Variants in COG2 observed in about 807,000 individuals in gnomAD.
COG2 encodes the protein component of oligomeric golgi complex 2, also known as conserved oligomeric Golgi complex subunit 2.
Under a neutral mutation model 90.6 loss-of-function variants are expected in COG2, and 52 were observed. That is an observed-to-expected ratio of 0.57 (90% CI 0.46 to 0.72). The LOEUF is 0.72. Ranked by LOEUF, COG2 falls within the 30% of genes least tolerant of loss-of-function variation. COG2 has a pLI of 0.00. For missense variants in COG2, 829 were observed against 891.2 expected, an observed-to-expected ratio of 0.93 and a Z score of 0.89; for synonymous variants, 337 against 320.4, an observed-to-expected ratio of 1.05 and a Z score of -0.55.
intron 11 of COG2, 24 bp from the exon 12 acceptor site, chr1:230,685,061 G>GTGT: frequency 6.2e-7 from 1 of 1,612,672 alleles, no homozygotes; most frequent in Non-Finnish European, 8.5e-7. Flanking sequence ...CCTTAAATGT[G>GTGT]TGTTGTTGTT....
chr1:230,658,189 C>T (rs1410672468), intron 1 of COG2, among the ~76,000 whole-genome samples: 4 of 152,152 alleles, frequency 2.6e-5, no homozygotes, highest in African/African-American at 9.7e-5. Flanking sequence ...GCTGGTTTCT[C>T]CCCATCTTTG....
intron 11 of COG2, 110 bp downstream of exon 11, chr1:230,683,745 T>A: frequency 1.3e-6 from 1 of 773,612 alleles, no homozygotes; most frequent in Non-Finnish European, 2.1e-6. Flanking sequence ...TTTTTTTTTT[T>A]AATCATACAG....
intron 5 of COG2, among the ~76,000 whole-genome samples, chr1:230,664,978 A>C (rs1441909032): frequency 6.6e-6 from 1 of 152,240 alleles, no homozygotes; most frequent in African/African-American, 2.4e-5. Context: ...AAAATGCACG[A>C]GTGTTATTAA....
At chr1:230,674,331 C>A (rs1316567713) in intron 8 of COG2, among the ~76,000 whole-genome samples, 1 of 152,208 alleles carries the variant, frequency 6.6e-6, no homozygotes, top group African/African-American at 2.4e-5. Context: ...CTGAATCAGG[C>A]ACACCAGCTC....
At position 230,687,140 on chromosome 1, in the gene COG2, T is replaced by C; in HGVS notation, c.1578+8T>C. 2 of 1,603,532 alleles carry C rather than the reference T, an allele frequency of 1.2e-6. No homozygotes were observed. The highest frequency in any genetic ancestry group is 1.7e-6 in the Non-Finnish European group (2 of 1,173,800). Reference sequence around the variant, plus strand: ...GACAAGCTTCAGGAGCAGGTAAGCCTGTGTCCCAGAATAATTCCAGGTGCT... The same window carrying C: ...GACAAGCTTCAGGAGCAGGTAAGCCCGTGTCCCAGAATAATTCCAGGTGCT... On this transcript the variant is annotated splice_region_variant and intron_variant, in intron 13 of 17. Coordinates refer to ENST00000366669, the MANE Select transcript of COG2 (RefSeq NM_007357.3).
rs775169090 is a variant in COG2 at position 230,690,234 on chromosome 1, G to A, written c.1934+81G>A. 38 of 1,238,522 alleles carry A rather than the reference G, an allele frequency of 3.1e-5. 1 individual carries two copies. Among genetic ancestry groups the A allele is most frequent in the East Asian group, 4.8e-5 (2 of 42,004 alleles). 76.7% of individuals were successfully genotyped at this position (1,238,522 alleles called of 1,614,324 possible). A position where few individuals can be genotyped will look rare whatever the true frequency, so the allele number is the denominator to read the frequency against. The stretch of plus-strand genomic sequence containing the variant: ...AACCCCCAAGGCAATCAAGCACTGC[G>A]TATGGATAAGGCAGTGAGACTGCCT... On this transcript the variant is annotated intron_variant, in intron 16 of 17. Transcript: ENST00000366669.
At chr1:230,692,930 T>G (rs561938035) in intron 17 of COG2, among the ~76,000 whole-genome samples, 1 of 152,280 alleles carries the variant, frequency 6.6e-6, no homozygotes, top group Admixed American at 6.5e-5. Context: ...GTTAAGAAAC[T>G]AAGAGCACAG....
rs370937568 is a variant in COG2, at chr1:230,679,029, C to T, written c.1143C>T (p.Asn381=). The T allele has an allele frequency of 2.4e-5, 39 of 1,612,732 alleles. No homozygotes were observed. Among genetic ancestry groups the T allele is most frequent in the Non-Finnish European group, 3.1e-5 (37 of 1,179,000 alleles). ...PAYHSFNKKW[N]LPVYFQIRFR... ...ATCACAGCTTCAATAAGAAGTGGAA[C>T]TTGCCTGTTTATTTTCAAATAAGGT... The change falls in exon 10 of 18, where the codon AAC becomes AAT. Residue 381 remains asparagine, a synonymous_variant. Transcript: ENST00000366669.
chr1:230,646,905 TTGTC>T (rs992741946), intron 1 of COG2, among the ~76,000 whole-genome samples: 2 of 152,144 alleles, frequency 1.3e-5, no homozygotes, highest in Admixed American at 1.3e-4. Flanking sequence ...TCTCTGAAAT[TTGTC>T]TACTTCTCTC....
chr1:230,664,587 G>A lies in COG2; in HGVS notation c.485G>A (p.Ser162Asn), dbSNP rs1662271237. Residue 162 changes from serine (S) to asparagine (N), a missense_variant and splice_region_variant, in exon 5 of 18, where the codon AGC (serine) becomes AAC (asparagine). Ser to Asn is a conservative substitution (Grantham distance 46, BLOSUM62 1). Coordinates refer to ENST00000366669, the MANE Select transcript of COG2 (RefSeq NM_007357.3). ...SKETSALEAS[S>N]PLLTGQILER... ...GAAACCTCTGCACTAGAAGCAAGCA[G>A]GTAAGTATTTTTTATTAAATAACTC... The A allele has an allele frequency of 2.0e-6, 3 of 1,480,064 alleles. No homozygotes were observed. Among genetic ancestry groups the A allele is most frequent in the Non-Finnish European group, 2.8e-6 (3 of 1,090,566 alleles). 91.7% of individuals were successfully genotyped at this position (1,480,064 alleles called of 1,614,324 possible).
At chr1:230,676,512 G>T (rs527637577) in intron 9 of COG2, among the ~76,000 whole-genome samples, 2 of 152,082 alleles carry the variant, frequency 1.3e-5, no homozygotes, top group African/African-American at 4.8e-5. Flanking sequence ...ATATATTTTT[G>T]TTTCCTCGCT....
chr1:230,650,550 T>G (rs1661890243), intron 1 of COG2, among the ~76,000 whole-genome samples: 1 of 152,194 alleles, frequency 6.6e-6, no homozygotes, highest in Non-Finnish European at 1.5e-5. Flanking sequence ...TTAATGGGGT[T>G]ACTTGTTTTT....
chr1:230,660,631 A>G (rs1662159199), intron 2 of COG2, 127 bp from the exon 3 acceptor site: 2 of 522,032 alleles, frequency 3.8e-6, no homozygotes, highest in East Asian at 3.1e-5. Flanking sequence ...ACTTAACAAT[A>G]TATGGTTGTT....
At chr1:230,683,527 T>C in intron 10 of COG2, 47 bp from the exon 11 acceptor site, 2 of 1,386,366 alleles carry the variant, frequency 1.4e-6, no homozygotes, top group Non-Finnish European at 2.0e-6. Flanking sequence ...GGGAAAGGCA[T>C]CTGTCAGAGT....
chr1:230,683,708 G>C (rs1459552241), intron 11 of COG2, 73 bp downstream of exon 11: 4 of 982,834 alleles, frequency 4.1e-6, no homozygotes, highest in Non-Finnish European at 6.4e-6. Context: ...CATCTGGATT[G>C]CAGTATTCTG....
intron 8 of COG2, among the ~76,000 whole-genome samples, chr1:230,673,121 G>A (rs1291702717): frequency 6.6e-6 from 1 of 152,184 alleles, no homozygotes; most frequent in Admixed American, 6.5e-5. Flanking sequence ...GATGTAAAAT[G>A]AAGCCATAGA....
chr1:230,679,239 C>A, intron 10 of COG2, 187 bp downstream of exon 10: 1 of 531,036 alleles, frequency 1.9e-6, no homozygotes, highest in Non-Finnish European at 3.1e-6. Context: ...GCTTGCATGA[C>A]AAAAAGATAA....
chr1:230,673,719 G>A (rs1662515248), intron 8 of COG2, among the ~76,000 whole-genome samples: 2 of 152,052 alleles, frequency 1.3e-5, no homozygotes, highest in African/African-American at 2.4e-5. Context: ...TTGGATATAT[G>A]GGAGGCAGTC....
intron 5 of COG2, among the ~76,000 whole-genome samples, chr1:230,666,833 G>A (rs1450058849): frequency 2.0e-5 from 3 of 152,146 alleles, no homozygotes; most frequent in Non-Finnish European, 4.4e-5. Flanking sequence ...AAAAAAGCAG[G>A]TTATAAAACG....
Sources: gnomAD v4.1 joint callset for allele counts (sites outside exome capture counted in the v4.1 genomes callset) on GRCh38, gnomAD v4.1.1 for gene constraint, MANE v1.5 for transcripts, NCBI Gene and HGNC (gene_info 2026-07-23, HGNC 2026-07-21) for gene names.